ARHGEF7: variants seen among roughly 807,000 people sequenced by gnomAD.
The protein encoded by ARHGEF7 is PAK-interacting exchange factor beta.
In ARHGEF7, 33 loss-of-function variants were observed where a neutral mutation model predicts 109.8. The ratio of observed to expected loss-of-function variants is 0.30; its 90% CI spans 0.23 to 0.40. The LOEUF (loss-of-function observed/expected upper bound fraction) is 0.40, where lower values mean the gene tolerates loss of function less well. Among genes scored for constraint, ARHGEF7 ranks in the 10% least tolerant of loss-of-function variants. The probability of loss-of-function intolerance (pLI) is 1.00; values close to 1 mark genes in which losing one functional copy is unlikely to be tolerated. For synonymous variants in ARHGEF7, 458 were observed against 424.6 expected, an observed-to-expected ratio of 1.08 and a Z score of -0.97; for missense variants, 938 against 1,098.5, an observed-to-expected ratio of 0.85 and a Z score of 2.07.
At chr13:111,160,076 A>T (rs888608697) in intron 2 of ARHGEF7, among the ~76,000 whole-genome samples, 3 of 152,158 alleles carry the variant, frequency 2.0e-5, no homozygotes, top group Admixed American at 6.5e-5. Flanking sequence ...GCATGTGGAT[A>T]TCCAATTTTC....
At chr13:111,217,987 G>C in intron 5 of ARHGEF7, 107 bp downstream of exon 5, 1 of 1,157,776 alleles carries the variant, frequency 8.6e-7, no homozygotes, top group Non-Finnish European at 1.2e-6. Context: ...CAAATGACCT[G>C]GTCTTAGGAT....
chr13:111,129,913 C>T (rs941239434), intron 1 of ARHGEF7, among the ~76,000 whole-genome samples: 10 of 152,332 alleles, frequency 6.6e-5, no homozygotes, highest in East Asian at 5.8e-4. Context: ...GGCCATACCA[C>T]GCCTTGCACA....
intron 4 of ARHGEF7, among the ~76,000 whole-genome samples, chr13:111,213,233 G>A (rs1177772574): frequency 2.0e-5 from 3 of 152,168 alleles, no homozygotes; most frequent in Admixed American, 6.5e-5. Context: ...CCGTTAAGGA[G>A]CATGGTGGGC....
intron 19 of ARHGEF7, chr13:111,294,321 C>G (rs969822736): frequency 1.0e-6 from 1 of 985,334 alleles, no homozygotes; most frequent in African/African-American, 1.7e-5. Context: ...GCTAAGCTGC[C>G]TTTGCCTTCT....
At chr13:111,207,494 A>G (rs1216925914) in intron 3 of ARHGEF7, among the ~76,000 whole-genome samples, 3 of 152,234 alleles carry the variant, frequency 2.0e-5, no homozygotes, top group African/African-American at 7.2e-5. Context: ...TAATTAACGT[A>G]GATCTCTGTG....
At chr13:111,157,496 A>G (rs1246492729) in intron 2 of ARHGEF7, among the ~76,000 whole-genome samples, 1 of 152,026 alleles carries the variant, frequency 6.6e-6, no homozygotes, top group African/African-American at 2.4e-5. Flanking sequence ...CATGACCAAC[A>G]TGGTGAAACC....
At chr13:111,134,165 G>A (rs1312899607) in intron 1 of ARHGEF7, among the ~76,000 whole-genome samples, 1 of 152,050 alleles carries the variant, frequency 6.6e-6, no homozygotes, top group Admixed American at 6.6e-5. Context: ...GTGTATATGT[G>A]CCACATTTTC....
intron 2 of ARHGEF7, among the ~76,000 whole-genome samples, chr13:111,200,045 CCG>C (rs902896674): frequency 4.6e-5 from 7 of 152,312 alleles, no homozygotes; most frequent in African/African-American, 1.7e-4. Flanking sequence ...TTGCTTTCTG[CCG>C]CCGTGGACTA....
chr13:111,244,305 T>C lies in ARHGEF7; in HGVS notation c.950+11T>C, dbSNP rs751176796. On this transcript the variant is annotated intron_variant, in intron 8 of 21. Transcript: ENST00000646102. ...AGAAGAATGCACCAAGTAAGTAAGA[T>C]GCTAAAAATTTGCAACACTCAGGTT... 6.4e-7 allele frequency: 1 copy of C among 1,552,260 alleles called. No individual in the cohort carries two copies. Among genetic ancestry groups the C allele is most frequent in the South Asian group, 1.2e-5 (1 of 84,350 alleles).
At chr13:111,231,522 G>A (rs1464748841) in intron 5 of ARHGEF7, among the ~76,000 whole-genome samples, 1 of 151,998 alleles carries the variant, frequency 6.6e-6, no homozygotes, top group Non-Finnish European at 1.5e-5. Context: ...TGAGGTAAAC[G>A]GCTCCACAGG....
intron 4 of ARHGEF7, among the ~76,000 whole-genome samples, 165 bp from the exon 5 acceptor site, chr13:111,217,514 G>A (rs929616336): frequency 6.6e-6 from 1 of 152,160 alleles, no homozygotes; most frequent in Non-Finnish European, 1.5e-5. Flanking sequence ...GAGTGGTGCT[G>A]GTGGTGGTCA....
rs1338793354 is a variant in ARHGEF7, at chr13:111,272,648, ACCTGGGTCT to A, written c.1074-1160_1074-1152del. ...GGGGCGTGGTGATGGGGCGGGGGTC[ACCTGGGTCT>A]CCTGGATGGGATGTGGTGACTGAGA... is the stretch of plus-strand genomic sequence containing the variant. On this transcript the variant is annotated intron_variant, in intron 9 of 21. Transcript: ENST00000646102. The surrounding 1 kb of genome is among the most constrained non-coding windows in gnomAD (Gnocchi z 5.2). Among the ~76,000 whole-genome samples the A allele has an allele frequency of 6.6e-6, 1 of 152,216 alleles. No homozygotes were observed. The highest frequency in any genetic ancestry group is 1.5e-5 in the Non-Finnish European group (1 of 67,998).
intron 2 of ARHGEF7, among the ~76,000 whole-genome samples, chr13:111,158,551 A>AAAATT (rs2076517455): frequency 6.6e-6 from 1 of 152,204 alleles, no homozygotes; most frequent in Non-Finnish European, 1.5e-5. Flanking sequence ...TTTTTCTGGA[A>AAAATT]AAGTGGAAAG....
intron 2 of ARHGEF7, among the ~76,000 whole-genome samples, chr13:111,202,456 T>C (rs1272785774): frequency 6.6e-6 from 1 of 152,200 alleles, no homozygotes; most frequent in African/African-American, 2.4e-5. Flanking sequence ...TTGCTGCTCC[T>C]GAGGCTGAGG....
At chr13:111,278,985 C>G (rs896930485) in intron 13 of ARHGEF7, among the ~76,000 whole-genome samples, 1 of 152,172 alleles carries the variant, frequency 6.6e-6, no homozygotes, top group Admixed American at 6.5e-5. Context: ...GACCCATGGT[C>G]TCTGTATCAT....
intron 2 of ARHGEF7, among the ~76,000 whole-genome samples, chr13:111,166,748 T>A (rs538445230): frequency 6.6e-6 from 1 of 152,338 alleles, no homozygotes; most frequent in East Asian, 1.9e-4. Context: ...ACATGCTCCA[T>A]CAGGATATCT....
chr13:111,189,271 C>T (rs1481698013), intron 2 of ARHGEF7, among the ~76,000 whole-genome samples: 8 of 152,216 alleles, frequency 5.3e-5, no homozygotes, highest in African/African-American at 1.4e-4. Flanking sequence ...AAGAATGAAG[C>T]CGCAGACCCT....
At chr13:111,253,093 C>A (rs61968015) in intron 8 of ARHGEF7, among the ~76,000 whole-genome samples, 3 of 152,216 alleles carry the variant, frequency 2.0e-5, no homozygotes, top group Non-Finnish European at 4.4e-5. Context: ...GACAAGAAAG[C>A]CTTAGTGGGG....
chr13:111,289,010 A>T lies in ARHGEF7; in HGVS notation c.2134+567A>T, dbSNP rs370678517. 7.2e-5 allele frequency among the ~76,000 whole-genome samples: 11 copies of T among 152,226 alleles called. No homozygotes were observed. In the East Asian group the frequency reaches 1.7e-3, roughly 24 times the overall value. On this transcript the variant is annotated intron_variant, in intron 18 of 21. Coordinates refer to ENST00000646102, the MANE Select transcript of ARHGEF7 (RefSeq NM_001354046.2). Reference sequence around the variant, plus strand: ...TCTGATGTACAGTGTCTTAAATGAAAAACTTTTTTCTATTAAGGTGGCTTT... The same window carrying T: ...TCTGATGTACAGTGTCTTAAATGAATAACTTTTTTCTATTAAGGTGGCTTT...
Sources: gnomAD v4.1 joint callset for allele counts (sites outside exome capture counted in the v4.1 genomes callset) on GRCh38, gnomAD v4.1.1 for gene constraint, Gnocchi (gnomAD v3.1) non-coding constraint, MANE v1.5 for transcripts, NCBI Gene and HGNC (gene_info 2026-07-23, HGNC 2026-07-21) for gene names.